CDH24: variants seen among roughly 807,000 people sequenced by gnomAD.
CDH24 encodes the protein cadherin 24.
A neutral mutation model predicts 71.2 loss-of-function variants in CDH24; 61 were observed. That is an observed-to-expected ratio of 0.86 (90% CI 0.70 to 1.06). The LOEUF is 1.06. CDH24 is among the 50% of genes least tolerant of loss of function. The pLI, the probability that CDH24 is intolerant of heterozygous loss-of-function variation, is 0.00. For missense variants in CDH24, 961 were observed against 1,083.7 expected (o/e 0.89, Z 1.59); for synonymous variants, 440 against 470.2 (o/e 0.94, Z 0.83).
At position 23,054,474 on chromosome 14, in the gene CDH24, G is replaced by T. The variant is rs1284111210; in HGVS notation, c.784+32C>A. 1 of 1,599,868 alleles carries T rather than the reference G, an allele frequency of 6.3e-7. No homozygotes were observed. Among genetic ancestry groups the T allele is most frequent in the Non-Finnish European group, 8.5e-7 (1 of 1,171,452 alleles). On this transcript the variant is annotated intron_variant, in intron 5 of 12. Transcript: ENST00000487137. This position sits in a 1 kb window ranked among gnomAD's most constrained non-coding sequence, Gnocchi z 5.2. Reference sequence around the variant, plus strand: ...ACACTGTAGGGGTGGGGTGATCAAAGGATGGCTCAGGTGGCAGCAATGGCC... The same window carrying T: ...ACACTGTAGGGGTGGGGTGATCAAATGATGGCTCAGGTGGCAGCAATGGCC...
intron 1 of CDH24, among the ~76,000 whole-genome samples, chr14:23,056,091 A>T (rs2047127912): frequency 1.3e-5 from 2 of 152,152 alleles, no homozygotes; most frequent in South Asian, 4.1e-4. Flanking sequence ...AGAACTGGGG[A>T]GGAACACAGG....
rs1415509207 is a variant in CDH24, at chr14:23,048,108, GGGAGCCGCAAGA to G, written c.2206_2217del (p.Ser736_Ser739del). On this transcript the variant is annotated inframe_deletion, in exon 12 of 13. Coordinates refer to ENST00000487137, the MANE Select transcript of CDH24 (RefSeq NM_144985.4). ...TCGCTGCCGGAGCCCAGGGAGCTGA[GGGAGCCGCAAGA>G]GGAGCCGCGGCCCTCGTAGCCGTAC... The G allele has an allele frequency of 2.1e-6, 3 of 1,409,580 alleles. No individual in the cohort carries two copies. The highest frequency in any genetic ancestry group is 9.2e-7 in the Non-Finnish European group (1 of 1,087,764). 87.3% of individuals were successfully genotyped at this position (1,409,580 alleles called of 1,614,324 possible).
At position 23,048,493 on chromosome 14, in the gene CDH24, G is replaced by C. The variant is rs752929597; in HGVS notation, c.1847-14C>G. 6.2e-7 allele frequency: 1 copy of C among 1,600,456 alleles called. No homozygotes were observed. The highest frequency in any genetic ancestry group is 2.2e-5 in the East Asian group (1 of 44,638). On this transcript the variant is annotated splice_polypyrimidine_tract_variant and intron_variant, in intron 11 of 12. Transcript: ENST00000487137. The stretch of plus-strand genomic sequence containing the variant: ...GCACCACCAGGGCTGCGCGAGAGGC[G>C]CGCACACAGGCCCTGAGCCAGCAGG...
rs140801192 is a variant in CDH24, at chr14:23,048,325, G to T, written c.2001C>A (p.Asn667Lys). The T allele has an allele frequency of 1.2e-6, 2 of 1,610,300 alleles. No individual in the cohort carries two copies. The highest frequency in any genetic ancestry group is 1.7e-6 in the Non-Finnish European group (2 of 1,179,002). ...GCGCCGGGGGGGCCGCCCCGTCCGG[G>T]TTCTGCAAGGCCGTGATGTCGAAGG... ...TEAFDITALQ[N>K]PDGAAPPAPG... Residue 667 changes from asparagine (N) to lysine (K), a missense_variant, in exon 12 of 13, where the codon AAC (asparagine) becomes AAA (lysine). Physicochemically the swap from Asn to Lys is moderately conservative, Grantham distance 94. This residue lies in a region of CDH24 where 290 missense variants were observed against 272.8 expected (regional missense o/e 1.06). Transcript: ENST00000487137.
rs774085294 is a variant in CDH24, at chr14:23,048,157, G to GTCGTACGGGGGTACGCCGGGGTCC, written c.2145_2168dup (p.Glu715_Tyr722dup). ...CCTCGTAGCCGTACACCTGCACCGAGTCGTACGGGGGTACGCCGGGGTCCT... is the reference window on the plus strand; with the variant it reads ...CCTCGTAGCCGTACACCTGCACCGAGTCGTACGGGGGTACGCCGGGGTCCTCGTACGGGGGTACGCCGGGGTCCT... On this transcript the variant is annotated inframe_insertion, in exon 12 of 13. Transcript: ENST00000487137. 1,322 of 1,372,932 alleles carry GTCGTACGGGGGTACGCCGGGGTCC rather than the reference G, an allele frequency of 9.6e-4. 3 individuals are homozygous for GTCGTACGGGGGTACGCCGGGGTCC. The highest frequency in any genetic ancestry group is 1.2e-3 in the Non-Finnish European group (1,250 of 1,061,948). 85.0% of individuals were successfully genotyped at this position (1,372,932 alleles called of 1,614,324 possible).
Position 23,053,749 on chromosome 14 carries a change from G to A in CDH24, c.973C>T (p.Pro325Ser). ...GAGCGCTGGCTCTCAAAGTCTAGGG[G>A]CTATGGTGAGGGGAGAGGGAGAAAA... is the stretch of plus-strand genomic sequence containing the variant. ...GRDGLLTVRKPLDFESQRSYS... is the reference protein window; with the variant it reads ...GRDGLLTVRKSLDFESQRSYS... The change falls in exon 7 of 13, where the codon CCC becomes TCC. Residue 325 changes from proline (P) to serine (S), a missense_variant and splice_region_variant. Around this residue, in one of 2 missense-constraint regions of CDH24, gnomAD observed 671 missense variants for 810.9 expected, o/e 0.83. Transcript: ENST00000487137. 6.3e-7 allele frequency: 1 copy of A among 1,595,440 alleles called. No individual in the cohort carries two copies.
rs376464327 is a variant in CDH24, at chr14:23,054,094, G to C, written c.972+47C>G. On this transcript the variant is annotated intron_variant, in intron 6 of 12. Coordinates refer to ENST00000487137, the MANE Select transcript of CDH24 (RefSeq NM_144985.4). The surrounding 1 kb of genome is among the most constrained non-coding windows in gnomAD (Gnocchi z 5.2). Reference sequence around the variant, plus strand: ...CAGTTAAATATGTGCCCTGTGGGTCGGCAGGAGGCAGGTCTAAGAGAAAGC... The same window carrying C: ...CAGTTAAATATGTGCCCTGTGGGTCCGCAGGAGGCAGGTCTAAGAGAAAGC... 1 of 1,519,028 alleles carries C rather than the reference G, an allele frequency of 6.6e-7. No individual in the cohort carries two copies. The allele number at this position is 1,519,028 out of a possible 1,614,324, so 94.1% of individuals were successfully genotyped here.
At chr14:23,053,220 C>A (rs1435198160) in intron 7 of CDH24, among the ~76,000 whole-genome samples, 2 of 152,166 alleles carry the variant, frequency 1.3e-5, no homozygotes, top group Non-Finnish European at 2.9e-5. Flanking sequence ...CAATAGAGAT[C>A]CACTTATCAA....
In CDH24 at chr14:23,052,743, G is replaced by A. The variant is rs1024238244; in HGVS notation, c.1227-134C>T. 5.7e-6 allele frequency: 5 copies of A among 882,432 alleles called. No homozygotes were observed. The African/African-American group carries it at 8.3e-5, about 15-fold the overall frequency. 54.7% of individuals were successfully genotyped at this position (882,432 alleles called of 1,614,324 possible). On this transcript the variant is annotated intron_variant, in intron 7 of 12. Transcript: ENST00000487137. The stretch of plus-strand genomic sequence containing the variant: ...TCTGGGTAGAGCCATAATTCAGGTT[G>A]GAGTCCCCTTAAAAGGCATATATCC...
chr14:23,057,090 A>ACC lies in CDH24; in HGVS notation c.-125+312_-125+313insGG, dbSNP rs2047141608. On this transcript the variant is annotated intron_variant, in intron 1 of 12. Coordinates refer to ENST00000487137, the MANE Select transcript of CDH24 (RefSeq NM_144985.4). This position sits in a 1 kb window ranked among gnomAD's most constrained non-coding sequence, Gnocchi z 5.4. ...AAAGAGAAAGGCAGGAAAGGGGAGA[A>ACC]AGGTAGAGAAAGAAAAAGGCAAAGA... Among the ~76,000 whole-genome samples the ACC allele has an allele frequency of 6.6e-6, 1 of 151,772 alleles. No individual in the cohort carries two copies. Among genetic ancestry groups the ACC allele is most frequent in the Non-Finnish European group, 1.5e-5 (1 of 67,888 alleles).
rs2047121589 is a variant in CDH24 at position 23,055,484 on chromosome 14, G to C, written c.201+49C>G. On this transcript the variant is annotated intron_variant, in intron 2 of 12. Coordinates refer to ENST00000487137, the MANE Select transcript of CDH24 (RefSeq NM_144985.4). This position sits in a 1 kb window ranked among gnomAD's most constrained non-coding sequence, Gnocchi z 4.1. The stretch of plus-strand genomic sequence containing the variant: ...GCAGAAGTGATGAAGTTGCAGGGCA[G>C]GGCCTGAGGGCTTGGTGTCAGAGTA... 6.2e-7 allele frequency: 1 copy of C among 1,603,774 alleles called. No homozygotes were observed. Among genetic ancestry groups the C allele is most frequent in the African/African-American group, 1.3e-5 (1 of 74,868 alleles).
In CDH24 at chr14:23,054,826, G is replaced by A. The variant is rs1414425568; in HGVS notation, c.537C>T (p.Asp179=). The A allele has an allele frequency of 1.9e-6, 3 of 1,613,728 alleles. No homozygotes were observed. The highest frequency in any genetic ancestry group is 1.7e-5 in the Admixed American group (1 of 60,008). Residue 179 remains aspartate, a synonymous_variant, in exon 4 of 13, where the codon GAC becomes GAT. Transcript: ENST00000487137. This position sits in a 1 kb window ranked among gnomAD's most constrained non-coding sequence, Gnocchi z 5.2. ...GCTTGGCACTGTTCCCATAGCTGGG[G>A]TCATCAGCATCGTGAGCAGTCACCT... ...VIQVTAHDAD[D]PSYGNSAKLV...
In CDH24 at chr14:23,055,567, T is replaced by G; in HGVS notation, c.167A>C (p.Glu56Ala). The change falls in exon 2 of 13, where the codon GAA (glutamate) becomes GCA (alanine). Residue 56 changes from glutamate (E) to alanine (A), a missense_variant. Glu to Ala is a moderately radical substitution (Grantham distance 107). Around this residue, in one of 2 missense-constraint regions of CDH24, gnomAD observed 671 missense variants for 810.9 expected, o/e 0.83. Coordinates refer to ENST00000487137, the MANE Select transcript of CDH24 (RefSeq NM_144985.4). The surrounding 1 kb of genome is among the most constrained non-coding windows in gnomAD (Gnocchi z 4.1). ...GAGAACAGGCTCTGGACCAGCATAT[T>G]CCTCAATGACAAAGAACTGGTTCCA... Reference protein sequence around the residue: ...WVWNQFFVIEEYAGPEPVLIG... With the variant: ...WVWNQFFVIEAYAGPEPVLIG... 1 of 1,614,062 alleles carries G rather than the reference T, an allele frequency of 6.2e-7. No individual in the cohort carries two copies. Among genetic ancestry groups the G allele is most frequent in the Non-Finnish European group, 8.5e-7 (1 of 1,180,010 alleles).
In CDH24 at chr14:23,050,657, G is replaced by T. The variant is rs769421743; in HGVS notation, c.1364-714C>A. Among the ~76,000 whole-genome samples the T allele has an allele frequency of 7.2e-5, 11 of 152,258 alleles. 1 individual carries two copies. Among genetic ancestry groups the T allele is most frequent in the Non-Finnish European group, 7.4e-5 (5 of 68,018 alleles). On this transcript the variant is annotated intron_variant, in intron 8 of 12. Coordinates refer to ENST00000487137, the MANE Select transcript of CDH24 (RefSeq NM_144985.4). Reference sequence around the variant, plus strand: ...GCCTGGGTACCACAGCCAGACACAGGCCCCATCTTTACCCATCCCTTCATC... The same window carrying T: ...GCCTGGGTACCACAGCCAGACACAGTCCCCATCTTTACCCATCCCTTCATC...
At position 23,048,449 on chromosome 14, in the gene CDH24, C is replaced by T. The variant is rs771628772; in HGVS notation, c.1877G>A (p.Arg626Gln). 3 of 1,610,222 alleles carry T rather than the reference C, an allele frequency of 1.9e-6. No homozygotes were observed. Among genetic ancestry groups the T allele is most frequent in the Non-Finnish European group, 2.5e-6 (3 of 1,179,562 alleles). ...TACCATCAGTGCTTCTTGCTTCTGC[C>T]GCCGCAGGGCCACGAAGAGCACCAC... ...ALVVLFVALR[R>Q]QKQEALMVLE... Residue 626 changes from arginine to glutamine, a missense_variant, in exon 12 of 13, where the codon CGG (arginine) becomes CAG (glutamine). This residue lies in a region of CDH24 where 290 missense variants were observed against 272.8 expected (regional missense o/e 1.06). Transcript: ENST00000487137.
chr14:23,048,171 C>T lies in CDH24; in HGVS notation c.2155G>A (p.Val719Ile), dbSNP rs1212760456. The T allele has an allele frequency of 5.9e-6, 8 of 1,351,502 alleles. No individual in the cohort carries two copies. Among genetic ancestry groups the T allele is most frequent in the Admixed American group, 3.5e-5 (1 of 28,824 alleles). The allele number at this position is 1,351,502 out of a possible 1,614,324, so 83.7% of individuals were successfully genotyped here. ...RLREADEDPG[V>I]PPYDSVQVYG... ...ACCTGCACCGAGTCGTACGGGGGTA[C>T]GCCGGGGTCCTCGTCCGCCTCGCGG... The change falls in exon 12 of 13, where the codon GTA becomes ATA. Residue 719 changes from valine (V) to isoleucine (I), a missense_variant. By Grantham distance (29) the Val-to-Ile change is conservative. Transcript: ENST00000487137.
rs765261540 is a variant in CDH24 at position 23,054,727 on chromosome 14, C to G, written c.616+20G>C. ...CTGTCCCCTTGGCTGCCCCACCGGG[C>G]TCCCAGGCTCCATCCTCACCAGTCT... On this transcript the variant is annotated intron_variant, in intron 4 of 12. Coordinates refer to ENST00000487137, the MANE Select transcript of CDH24 (RefSeq NM_144985.4). The surrounding 1 kb of genome is among the most constrained non-coding windows in gnomAD (Gnocchi z 5.2). 6.2e-7 allele frequency: 1 copy of G among 1,614,100 alleles called. No homozygotes were observed. The highest frequency in any genetic ancestry group is 1.1e-5 in the South Asian group (1 of 91,078).
In CDH24 at chr14:23,047,995, C is replaced by T; in HGVS notation, c.2331G>A (p.Glu777=). 7.3e-7 allele frequency: 1 copy of T among 1,373,068 alleles called. No homozygotes were observed. The highest frequency in any genetic ancestry group is 1.6e-5 in the South Asian group (1 of 62,676). 85.1% of individuals were successfully genotyped at this position (1,373,068 alleles called of 1,614,324 possible). ...GCCCGGGCGCTCAGGGGGCCGGGGG[C>T]TCCTTGGCCCCATACAGCTCGGCCA... ...RTLAELYGAK[E]PPAP The change falls in exon 12 of 13, where the codon GAG becomes GAA. Residue 777 remains glutamate, a synonymous_variant. Coordinates refer to ENST00000487137, the MANE Select transcript of CDH24 (RefSeq NM_144985.4).
chr14:23,052,024 G>A, intron 8 of CDH24: 4 of 1,588,342 alleles, frequency 2.5e-6, no homozygotes, highest in Non-Finnish European at 3.4e-6. Flanking sequence ...GGGGCTGCTG[G>A]TGCACTCCAC....
Sources: allele counts gnomAD v4.1 joint callset (sites outside exome capture counted in the v4.1 genomes callset), GRCh38; gene constraint gnomAD v4.1.1; regional missense constraint gnomAD v4.1.1; non-coding constraint Gnocchi (gnomAD v3.1); transcripts MANE v1.5; gene names NCBI Gene and HGNC (gene_info 2026-07-23, HGNC 2026-07-21).